ARHGEF3: variants seen among roughly 807,000 people sequenced by gnomAD.
The protein encoded by ARHGEF3 is 59.8 kDA protein.
ARHGEF3 carries 28 observed loss-of-function variants against 63.2 expected under a neutral mutation model. That is an observed-to-expected ratio of 0.44 (90% CI 0.33 to 0.61). The LOEUF (loss-of-function observed/expected upper bound fraction) is 0.61. Among genes scored for constraint, ARHGEF3 ranks in the 20% least tolerant of loss-of-function variants. The pLI is 0.03. For synonymous variants in ARHGEF3, 266 were observed against 254.2 expected (o/e 1.05, Z -0.44); for missense variants, 533 against 659.3 (o/e 0.81, Z 2.10).
intron 2 of ARHGEF3, among the ~76,000 whole-genome samples, chr3:57,028,383 T>C (rs1703565971): frequency 1.1e-5 from 1 of 94,350 alleles, no homozygotes; most frequent in Non-Finnish European, 2.1e-5. Flanking sequence ...TGAGTTCATG[T>C]CCTTTGTAGG....
chr3:56,940,889 A>G (rs1211651467), intron 3 of ARHGEF3: 4 of 152,126 alleles, frequency 2.6e-5, no homozygotes, highest in African/African-American at 4.8e-5. Context: ...CCTATTTTGC[A>G]GATAAGAGAC....
intron 1 of ARHGEF3, among the ~76,000 whole-genome samples, chr3:57,069,073 C>T (rs1705730788): frequency 6.6e-6 from 1 of 152,074 alleles, no homozygotes; most frequent in African/African-American, 2.4e-5. Flanking sequence ...CAGGCACTCA[C>T]CACCACGTCT....
At chr3:56,796,129 A>C (rs552709667) in intron 1 of ARHGEF3, among the ~76,000 whole-genome samples, 2 of 152,232 alleles carry the variant, frequency 1.3e-5, no homozygotes, top group South Asian at 4.1e-4. Context: ...TATGGAAGGC[A>C]ACTGCACACA....
intron 1 of ARHGEF3, among the ~76,000 whole-genome samples, chr3:56,793,130 A>G (rs2107927409): frequency 6.6e-6 from 1 of 151,666 alleles, no homozygotes; most frequent in East Asian, 1.9e-4. Flanking sequence ...CAGTCTCCCA[A>G]GTAGCTGGGA....
chr3:56,829,028 G>C (rs989019374), intron 4 of ARHGEF3, among the ~76,000 whole-genome samples: 2 of 152,140 alleles, frequency 1.3e-5, no homozygotes, highest in African/African-American at 4.8e-5. Flanking sequence ...CCGGGTTCAA[G>C]CGATTCTCCT....
At chr3:56,903,069 T>TACAC (rs55802504) in intron 3 of ARHGEF3, among the ~76,000 whole-genome samples, 11,334 of 147,970 alleles carry the variant, frequency 0.077, 1,006 homozygotes, top group East Asian at 0.48. Context: ...TCTCTAAACA[T>TACAC]ACACACACAC....
intron 3 of ARHGEF3, among the ~76,000 whole-genome samples, chr3:56,889,787 C>A (rs370552595): frequency 6.6e-6 from 1 of 152,108 alleles, no homozygotes; most frequent in African/African-American, 2.4e-5. Flanking sequence ...CATGGCTGGG[C>A]GCAGTGGCTC....
At chr3:56,983,753 T>C (rs1460457173) in intron 2 of ARHGEF3, among the ~76,000 whole-genome samples, 1 of 152,012 alleles carries the variant, frequency 6.6e-6, no homozygotes, top group Non-Finnish European at 1.5e-5. Context: ...CTGGCCAATA[T>C]GGTGAAACCC....
intron 4 of ARHGEF3, among the ~76,000 whole-genome samples, chr3:56,809,591 A>G (rs1320702938): frequency 4.0e-5 from 6 of 151,642 alleles, no homozygotes; most frequent in African/African-American, 1.2e-4. Flanking sequence ...TGTTCTGCCC[A>G]CAGAAGTAAT....
At chr3:56,752,353 C>T (rs866197822) in intron 4 of ARHGEF3, among the ~76,000 whole-genome samples, 4 of 152,134 alleles carry the variant, frequency 2.6e-5, no homozygotes, top group African/African-American at 7.2e-5. Flanking sequence ...CCACCGGACC[C>T]GGCTTATGTT....
intron 2 of ARHGEF3, among the ~76,000 whole-genome samples, chr3:57,026,845 T>C (rs1319687049): frequency 1.3e-5 from 2 of 152,234 alleles, no homozygotes; most frequent in African/African-American, 4.8e-5. Flanking sequence ...TAAGCCTTTA[T>C]TGTCTCCTAT....
At chr3:56,775,790 ACACGCGCAAG>A in intron 1 of ARHGEF3, 3 of 349,894 alleles carry the variant, frequency 8.6e-6, no homozygotes, top group Non-Finnish European at 1.1e-5. Flanking sequence ...ACACACACAC[ACACGCGCAAG>A]CACACACACA....
intron 3 of ARHGEF3, among the ~76,000 whole-genome samples, chr3:56,931,044 G>C (rs1164490673): frequency 6.6e-6 from 1 of 152,128 alleles, no homozygotes; most frequent in East Asian, 1.9e-4. Flanking sequence ...GCAGCAGGAG[G>C]CTTTATTATG....
At position 57,070,512 on chromosome 3, in the gene ARHGEF3, T is replaced by C. The variant is rs556471128; in HGVS notation, c.-28+8714A>G. ...TGCCACCAGCAAAAAGGAATTTAGGTTCCACAGTTAATATTGTTAAGATGG... is the reference window on the plus strand; with the variant it reads ...TGCCACCAGCAAAAAGGAATTTAGGCTCCACAGTTAATATTGTTAAGATGG... On this transcript the variant is annotated intron_variant, in intron 1 of 12. Coordinates refer to the ARHGEF3 transcript ENST00000338458. 4.9e-4 allele frequency among the ~76,000 whole-genome samples: 75 copies of C among 152,208 alleles called. No homozygotes were observed. The East Asian group carries it at 0.014, about 28-fold the overall frequency.
chr3:57,016,740 C>T (rs1321221059), intron 2 of ARHGEF3, among the ~76,000 whole-genome samples: 2 of 152,114 alleles, frequency 1.3e-5, no homozygotes, highest in East Asian at 1.9e-4. Flanking sequence ...AGTTGGTGCA[C>T]AGTGTCCTTC....
intron 3 of ARHGEF3, among the ~76,000 whole-genome samples, chr3:56,950,299 G>C (rs1226902544): frequency 6.6e-6 from 1 of 152,122 alleles, no homozygotes; most frequent in East Asian, 1.9e-4. Flanking sequence ...TTAAACTAAA[G>C]AGCTTCTGCA....
At chr3:56,861,871 T>C (rs1024768639) in intron 4 of ARHGEF3, among the ~76,000 whole-genome samples, 1 of 151,800 alleles carries the variant, frequency 6.6e-6, no homozygotes, top group Non-Finnish European at 1.5e-5. Flanking sequence ...GTTGGTTTTT[T>C]TTTTTTTTTT....
chr3:56,998,028 A>G (rs1702057469), intron 2 of ARHGEF3, among the ~76,000 whole-genome samples: 1 of 152,208 alleles, frequency 6.6e-6, no homozygotes, highest in Non-Finnish European at 1.5e-5. Context: ...TCCTGCAACT[A>G]CAAGGTATAA....
At position 56,841,679 on chromosome 3, in the gene ARHGEF3, A is replaced by G. The variant is rs2039313468; in HGVS notation, c.192+40613T>C. Among the ~76,000 whole-genome samples the G allele has an allele frequency of 2.6e-5, 4 of 152,168 alleles. No homozygotes were observed. In the South Asian group the frequency reaches 8.3e-4, roughly 32 times the overall value. On this transcript the variant is annotated intron_variant, in intron 4 of 12. Coordinates refer to the ARHGEF3 transcript ENST00000338458. ...TAGAAAAATTCTTGGGTGTGATTCT[A>G]TGCATTTCAGAGTAGCTATGTAATC...
Sources: gnomAD v4.1 joint callset for allele counts (sites outside exome capture counted in the v4.1 genomes callset) on GRCh38, gnomAD v4.1.1 for gene constraint, MANE v1.5 for transcripts, NCBI Gene and HGNC (gene_info 2026-07-23, HGNC 2026-07-21) for gene names.